Variants in ADCY10 observed in about 807,000 individuals in gnomAD.
ADCY10 encodes the protein adenylate cyclase 10, also known as adenylate cyclase type 10.
Under a neutral mutation model 183.3 loss-of-function variants are expected in ADCY10, and 156 were observed. That is an observed-to-expected ratio of 0.85 (90% CI 0.75 to 0.97). The LOEUF is 0.97. Among genes scored for constraint, ADCY10 ranks in the 50% least tolerant of loss-of-function variants. The pLI, the probability that ADCY10 is intolerant of heterozygous loss-of-function variation, is 0.00. For missense variants in ADCY10, 1,745 were observed against 1,934.3 expected (o/e 0.90, Z 1.84); for synonymous variants, 645 against 670.0 (o/e 0.96, Z 0.58).
chr1:167,905,268 AT>A (rs1460984175), intron 1 of ADCY10, 70 bp from the exon 2 acceptor site: 22 of 1,224,524 alleles, frequency 1.8e-5, no homozygotes, highest in Non-Finnish European at 2.4e-5. Context: ...CTCTTTCTCC[AT>A]TTGTTTTGTT....
At chr1:167,883,356 T>G in intron 9 of ADCY10, 81 bp downstream of exon 9, 1 of 1,496,842 alleles carries the variant, frequency 6.7e-7, no homozygotes, top group Non-Finnish European at 9.3e-7. Context: ...AAATTTCCTG[T>G]GTCTATTCTC....
chr1:167,884,256 C>T (rs1668065791), intron 8 of ADCY10, among the ~76,000 whole-genome samples: 1 of 152,132 alleles, frequency 6.6e-6, no homozygotes, highest in Non-Finnish European at 1.5e-5. Context: ...GGAAGCATGG[C>T]TGGGGAGGAC....
intron 21 of ADCY10, among the ~76,000 whole-genome samples, chr1:167,842,753 G>C (rs1664748895): frequency 6.6e-6 from 1 of 152,180 alleles, no homozygotes; most frequent in African/African-American, 2.4e-5. Context: ...CAATATAGGG[G>C]AGAGGGGCCG....
intron 1 of ADCY10, among the ~76,000 whole-genome samples, chr1:167,913,567 G>C (rs1237138539): frequency 6.6e-6 from 1 of 152,128 alleles, no homozygotes; most frequent in African/African-American, 2.4e-5. Flanking sequence ...CTTTTGAATT[G>C]CTTCTATTTT....
intron 26 of ADCY10, among the ~76,000 whole-genome samples, chr1:167,826,451 C>T (rs2101877417): frequency 6.6e-6 from 1 of 152,356 alleles, no homozygotes; most frequent in Non-Finnish European, 1.5e-5. Flanking sequence ...CATGCTGAGT[C>T]CCTCACCTGC....
At chr1:167,814,607 T>C (rs775473453) in intron 31 of ADCY10, among the ~76,000 whole-genome samples, 13 of 152,006 alleles carry the variant, frequency 8.6e-5, no homozygotes, top group Non-Finnish European at 1.8e-4. Context: ...AGAACAATTA[T>C]ACAAAAGATA....
In ADCY10 at chr1:167,822,081, C is replaced by T; in HGVS notation, c.4229G>A (p.Arg1410Lys). Reference protein sequence around the residue: ...LEFIHQYENNRILKFHSGLLL... With the variant: ...LEFIHQYENNKILKFHSGLLL... ...GAGTCCACTGTGGAACTTGAGGATT[C>T]TGTTGTTTTCGTATTGGTGTATGAA... Residue 1410 changes from arginine to lysine, a missense_variant, in exon 30 of 33, where the codon AGA becomes AAA. Physicochemically the swap from Arg to Lys is conservative, Grantham distance 26. Transcript: ENST00000367851. 1 of 1,610,756 alleles carries T rather than the reference C, an allele frequency of 6.2e-7. No homozygotes were observed. Among genetic ancestry groups the T allele is most frequent in the Non-Finnish European group, 8.5e-7 (1 of 1,176,884 alleles).
chr1:167,878,564 C>T lies in ADCY10; in HGVS notation c.1288G>A (p.Val430Ile). Residue 430 changes from valine (V) to isoleucine (I), a missense_variant, in exon 12 of 33, where the codon GTC becomes ATC. Val to Ile is a conservative substitution (Grantham distance 29, BLOSUM62 3). Coordinates refer to ENST00000367851, the MANE Select transcript of ADCY10 (RefSeq NM_018417.6). The stretch of plus-strand genomic sequence containing the variant: ...GGTAGGTTGCTCCCATTGTAGGTGA[C>T]AGAGTCGCAGGTCACAATTCCTGGG... ...YYPGIVTCDS[V>I]TYNGSNLPAY... 4 of 1,614,146 alleles carry T rather than the reference C, an allele frequency of 2.5e-6. No individual in the cohort carries two copies. Among genetic ancestry groups the T allele is most frequent in the Non-Finnish European group, 3.4e-6 (4 of 1,180,018 alleles).
chr1:167,889,095 A>G (rs536790032), intron 8 of ADCY10, among the ~76,000 whole-genome samples: 184 of 152,130 alleles, frequency 1.2e-3, no homozygotes, highest in Non-Finnish European at 2.1e-3. Context: ...GTCTGATTAC[A>G]TAGGACTTCC....
At chr1:167,820,171 G>C in intron 30 of ADCY10, 1 of 1,539,862 alleles carries the variant, frequency 6.5e-7, no homozygotes, top group Non-Finnish European at 8.7e-7. Flanking sequence ...CAGATTCCCC[G>C]AATGCCGCGG....
chr1:167,811,305 C>T (rs1326584783), intron 31 of ADCY10, among the ~76,000 whole-genome samples: 1 of 152,154 alleles, frequency 6.6e-6, no homozygotes, highest in Non-Finnish European at 1.5e-5. Flanking sequence ...AAAAGCTGAA[C>T]AGGCTGGGCG....
At position 167,861,098 on chromosome 1, in the gene ADCY10, T is replaced by A. The variant is rs751413392; in HGVS notation, c.1617-35A>T. 4 of 1,559,174 alleles carry A rather than the reference T, an allele frequency of 2.6e-6. No homozygotes were observed. The South Asian group carries it at 3.4e-5, about 13-fold the overall frequency. ...AGAAAATCAAGAAACAGAAGAGAGT[T>A]TTTAAATATATATTTTTGAAAATAA... On this transcript the variant is annotated intron_variant, in intron 14 of 32. Transcript: ENST00000367851.
At chr1:167,871,934 G>A (rs1269455414) in intron 13 of ADCY10, among the ~76,000 whole-genome samples, 2 of 152,212 alleles carry the variant, frequency 1.3e-5, no homozygotes, top group East Asian at 3.9e-4. Flanking sequence ...TTCAAAGGCT[G>A]CATAGCTGCA....
At chr1:167,875,730 C>G (rs993113549) in intron 12 of ADCY10, among the ~76,000 whole-genome samples, 1 of 152,184 alleles carries the variant, frequency 6.6e-6, no homozygotes, top group African/African-American at 2.4e-5. Context: ...GTGGGCAGAT[C>G]ACGAGGTCAG....
At chr1:167,878,703 C>T (rs1667665862) in intron 11 of ADCY10, 68 bp from the exon 12 acceptor site, 1 of 1,494,762 alleles carries the variant, frequency 6.7e-7, no homozygotes, top group Non-Finnish European at 9.3e-7. Context: ...TAATCTGAAA[C>T]ATTGTCCCCA....
chr1:167,845,864 C>CA lies in ADCY10; in HGVS notation c.2717-12dup. On this transcript the variant is annotated splice_polypyrimidine_tract_variant and intron_variant, in intron 20 of 32. Coordinates refer to ENST00000367851, the MANE Select transcript of ADCY10 (RefSeq NM_018417.6). ...CCTCTTCACCGTGATCTGGAGAGAGCAAAAAGGGTTTTTCAGCCAGGCAGT... is the reference window on the plus strand; with the variant it reads ...CCTCTTCACCGTGATCTGGAGAGAGCAAAAAAGGGTTTTTCAGCCAGGCAGT... 6.2e-7 allele frequency: 1 copy of CA among 1,613,994 alleles called. No homozygotes were observed. Among genetic ancestry groups the CA allele is most frequent in the Non-Finnish European group, 8.5e-7 (1 of 1,180,006 alleles).
intron 6 of ADCY10, among the ~76,000 whole-genome samples, chr1:167,898,389 A>C (rs1168758988): frequency 6.6e-6 from 1 of 152,006 alleles, no homozygotes; most frequent in Non-Finnish European, 1.5e-5. Flanking sequence ...TCACGAAGTC[A>C]GGAGTTCAAG....
In ADCY10 at chr1:167,823,915, A is replaced by T. The variant is rs111733825; in HGVS notation, c.4052+561T>A. ...AGACTTTTCCCTTTGTCTCCACCTG[A>T]CAGAAGTGGAGGCCTGATTCCCACA... On this transcript the variant is annotated intron_variant, in intron 28 of 32. Coordinates refer to ENST00000367851, the MANE Select transcript of ADCY10 (RefSeq NM_018417.6). Among the ~76,000 whole-genome samples the T allele has an allele frequency of 4.7e-3, 718 of 152,264 alleles. 4 individuals are homozygous for T. The highest frequency in any genetic ancestry group is 0.016 in the African/African-American group (676 of 41,530).
chr1:167,820,220 T>A, intron 30 of ADCY10: 1 of 1,543,844 alleles, frequency 6.5e-7, no homozygotes, highest in South Asian at 1.2e-5. Context: ...TTCTCCTCGT[T>A]CCACAGGGCC....
Sources: gnomAD v4.1 joint callset for allele counts (sites outside exome capture counted in the v4.1 genomes callset) on GRCh38, gnomAD v4.1.1 for gene constraint, MANE v1.5 for transcripts, NCBI Gene and HGNC (gene_info 2026-07-23, HGNC 2026-07-21) for gene names.